ANKFN1: variants seen among roughly 807,000 people sequenced by gnomAD.
The protein encoded by ANKFN1 is ankyrin repeat and fibronectin type III domain containing 1.
In ANKFN1, 74 loss-of-function variants were observed where a neutral mutation model predicts 108.7. The observed-to-expected ratio is 0.68, with a 90% CI of 0.56 to 0.83. ANKFN1 has a LOEUF of 0.83. Ranked by LOEUF, ANKFN1 falls within the 40% of genes least tolerant of loss-of-function variation. ANKFN1 has a pLI of 0.00. For synonymous variants in ANKFN1, 547 were observed against 516.2 expected, an observed-to-expected ratio of 1.06 and a Z score of -0.81; for missense variants, 1,505 against 1,382.3, an observed-to-expected ratio of 1.09 and a Z score of -1.41.
chr17:56,366,223 A>C (rs1410344826), intron 6 of ANKFN1, among the ~76,000 whole-genome samples: 7 of 152,204 alleles, frequency 4.6e-5, no homozygotes, highest in Admixed American at 4.6e-4. Context: ...ATTTTTGTAC[A>C]GTGGTACTGT....
Position 56,498,935 on chromosome 17 carries a change from T to C in ANKFN1, c.2481T>C (p.Tyr827=), listed in dbSNP as rs779902436. 51 of 1,535,600 alleles carry C rather than the reference T, an allele frequency of 3.3e-5. No homozygotes were observed. The highest frequency in any genetic ancestry group is 2.1e-5 in the Non-Finnish European group (24 of 1,146,626). Residue 827 remains tyrosine, a synonymous_variant, in exon 20 of 21, where the codon TAT becomes TAC. Transcript: ENST00000682825. ...GATGGATCATGGATGCTCTACAGTA[T>C]GCAAGATACAAACAACCAGTTTCTG... ...EMRWIMDALQ[Y]ARYKQPVSGL...
chr17:56,493,674 C>A (rs979193725), intron 19 of ANKFN1, among the ~76,000 whole-genome samples: 1 of 152,156 alleles, frequency 6.6e-6, no homozygotes, highest in African/African-American at 2.4e-5. Context: ...TCTCAAAACT[C>A]TGTTTAGGAT....
At chr17:56,050,695 A>T (rs1305071511) in intron 4 of ANKFN1, among the ~76,000 whole-genome samples, 2 of 151,928 alleles carry the variant, frequency 1.3e-5, no homozygotes, top group Non-Finnish European at 1.5e-5. Context: ...CAAAGATCAG[A>T]TAGTTGTAGA....
chr17:56,286,534 T>C (rs2044221675), intron 3 of ANKFN1, among the ~76,000 whole-genome samples: 1 of 152,294 alleles, frequency 6.6e-6, no homozygotes, highest in Middle Eastern at 3.4e-3. Context: ...GAGGGCCTCA[T>C]TGTGTCTGTT....
chr17:56,320,974 G>A (rs1182812390), intron 3 of ANKFN1, among the ~76,000 whole-genome samples: 3 of 151,130 alleles, frequency 2.0e-5, no homozygotes, highest in South Asian at 2.1e-4. Flanking sequence ...TTTTGAGACC[G>A]TTACTTTTAG....
chr17:56,122,370 T>G (rs564461112), intron 4 of ANKFN1, among the ~76,000 whole-genome samples: 1 of 152,334 alleles, frequency 6.6e-6, no homozygotes, highest in African/African-American at 2.4e-5. Context: ...GCCTGAGATC[T>G]TCTTTGTTGT....
intron 8 of ANKFN1, among the ~76,000 whole-genome samples, chr17:56,422,756 C>T (rs530982494): frequency 1.6e-3 from 238 of 152,226 alleles, no homozygotes; most frequent in South Asian, 3.1e-3. Flanking sequence ...TGATTTCACC[C>T]TTGACCCAAT....
At chr17:56,504,829 A>AT (rs5821133) in intron 20 of ANKFN1, among the ~76,000 whole-genome samples, 2,805 of 116,452 alleles carry the variant, frequency 0.024, 88 homozygotes, top group African/African-American at 0.076. Context: ...TAATTTTTGG[A>AT]TTTTTTTTTT....
At chr17:56,467,814 G>GAA (rs879924962) in intron 15 of ANKFN1, among the ~76,000 whole-genome samples, 2 of 40,838 alleles carry the variant, frequency 4.9e-5, no homozygotes, top group Admixed American at 3.2e-4. Context: ...AAGAAAGAAA[G>GAA]AAAGAAAGAA....
intron 5 of ANKFN1, among the ~76,000 whole-genome samples, chr17:56,352,189 T>G (rs2046265812): frequency 6.6e-6 from 1 of 152,218 alleles, no homozygotes; most frequent in East Asian, 1.9e-4. Flanking sequence ...CAGATTGTCT[T>G]GTAGCAAAGA....
intron 4 of ANKFN1, among the ~76,000 whole-genome samples, chr17:56,123,554 A>T (rs935184764): frequency 6.6e-6 from 1 of 152,172 alleles, no homozygotes; most frequent in African/African-American, 2.4e-5. Context: ...AGGGAGCCGC[A>T]TGGGCCTTTA....
intron 18 of ANKFN1, among the ~76,000 whole-genome samples, chr17:56,490,676 G>T (rs2051007008): frequency 6.6e-6 from 1 of 152,096 alleles, no homozygotes; most frequent in African/African-American, 2.4e-5. Flanking sequence ...TACTGAGAGG[G>T]CATATGAAAT....
rs113546293 is a variant in ANKFN1, at chr17:56,098,869, A to G, written c.288+52544A>G. Among the ~76,000 whole-genome samples the G allele has an allele frequency of 7.3e-5, 11 of 150,950 alleles. No homozygotes were observed. In the East Asian group the frequency reaches 1.6e-3, roughly 22 times the overall value. ...GAGGGGTGTGTGTGTGCGTGTGTGCATGTGTGTGTGTGTGTTGGGTGCTAG... is the reference window on the plus strand; with the variant it reads ...GAGGGGTGTGTGTGTGCGTGTGTGCGTGTGTGTGTGTGTGTTGGGTGCTAG... On this transcript the variant is annotated intron_variant, in intron 4 of 12. Coordinates refer to the ANKFN1 transcript ENST00000635860.
chr17:56,257,567 G>T (rs570529676), intron 3 of ANKFN1, among the ~76,000 whole-genome samples: 2 of 152,224 alleles, frequency 1.3e-5, no homozygotes, highest in East Asian at 3.9e-4. Flanking sequence ...CCAGGACGGT[G>T]CCCTCTCAGA....
intron 4 of ANKFN1, among the ~76,000 whole-genome samples, chr17:56,106,319 A>G (rs1905751047): frequency 6.6e-6 from 1 of 152,162 alleles, no homozygotes; most frequent in South Asian, 2.1e-4. Context: ...GCCCTTTCCT[A>G]GAGTTGTCAT....
chr17:56,460,702 G>T (rs922569569), intron 14 of ANKFN1, among the ~76,000 whole-genome samples: 65 of 150,244 alleles, frequency 4.3e-4, no homozygotes, highest in African/African-American at 1.5e-3. Context: ...CCTACCATAA[G>T]TTCATTCCTC....
chr17:56,119,409 C>G (rs1038581274), intron 4 of ANKFN1, among the ~76,000 whole-genome samples: 3 of 152,064 alleles, frequency 2.0e-5, no homozygotes, highest in African/African-American at 7.2e-5. Context: ...GATTGAGAGG[C>G]CTGGCGGTTA....
intron 4 of ANKFN1, among the ~76,000 whole-genome samples, chr17:56,342,854 G>C (rs766187510): frequency 6.6e-6 from 1 of 151,934 alleles, no homozygotes; most frequent in Admixed American, 6.6e-5. Flanking sequence ...TTAATTTTCT[G>C]TCTTGGTGAT....
intron 4 of ANKFN1, among the ~76,000 whole-genome samples, chr17:56,092,981 T>C (rs1905448890): frequency 6.6e-6 from 1 of 151,222 alleles, no homozygotes. Context: ...CAAGGGTTCC[T>C]GTGATTAGAT....
Sources: allele counts gnomAD v4.1 joint callset (sites outside exome capture counted in the v4.1 genomes callset), GRCh38; gene constraint gnomAD v4.1.1; transcripts MANE v1.5; gene names NCBI Gene and HGNC (gene_info 2026-07-23, HGNC 2026-07-21).